Variants in ASIC2 observed in about 807,000 individuals in gnomAD.
ASIC2 encodes acid-sensing ion channel 2.
A neutral mutation model predicts 57.3 loss-of-function variants in ASIC2; 25 were observed. The observed-to-expected ratio is 0.44, with a 90% CI of 0.32 to 0.61. ASIC2 has a LOEUF of 0.61. ASIC2 is among the 20% of genes least tolerant of loss of function. The pLI is 0.06. For missense variants in ASIC2, 641 were observed against 738.1 expected (o/e 0.87, Z 1.52); for synonymous variants, 319 against 307.5 (o/e 1.04, Z -0.39).
chr17:33,201,855 C>A (rs1408035631), intron 1 of ASIC2, among the ~76,000 whole-genome samples: 1 of 151,726 alleles, frequency 6.6e-6, no homozygotes. Flanking sequence ...CATGGTGAAA[C>A]CTTGTCTTTG....
intron 1 of ASIC2, among the ~76,000 whole-genome samples, chr17:33,820,035 C>T (rs1027670313): frequency 6.6e-6 from 1 of 152,242 alleles, no homozygotes; most frequent in Non-Finnish European, 1.5e-5. Flanking sequence ...CAGTCAGAAA[C>T]GAGACAATGA....
In ASIC2 at chr17:33,547,732, G is replaced by A. The variant is rs571481797; in HGVS notation, c.556-435665C>T. On this transcript the variant is annotated intron_variant, in intron 1 of 9. Transcript: ENST00000359872. ...TTAATTGTCCCTGGTTGCTGCCTTC[G>A]CCAGCTTCTGCCCATGCTACACCTG... 2.4e-4 allele frequency among the ~76,000 whole-genome samples: 36 copies of A among 152,210 alleles called. No homozygotes were observed. In the South Asian group the frequency reaches 7.1e-3, roughly 30 times the overall value.
chr17:33,266,564 G>A (rs1326631901), intron 1 of ASIC2, among the ~76,000 whole-genome samples: 1 of 116,570 alleles, frequency 8.6e-6, no homozygotes, highest in Non-Finnish European at 1.6e-5. Flanking sequence ...CCCAGTTGCA[G>A]CACATGTGGC....
chr17:33,853,773 A>C (rs1428983620), intron 1 of ASIC2, among the ~76,000 whole-genome samples: 1 of 152,208 alleles, frequency 6.6e-6, no homozygotes, highest in Non-Finnish European at 1.5e-5. Flanking sequence ...TCTAGAGTGG[A>C]TGTTCATTAA....
At chr17:34,023,296 T>A (rs1597978799) in intron 1 of ASIC2, among the ~76,000 whole-genome samples, 1 of 152,148 alleles carries the variant, frequency 6.6e-6, no homozygotes, top group East Asian at 1.9e-4. Flanking sequence ...TCCTAAGTAA[T>A]TCTTGGCTCT....
intron 1 of ASIC2, among the ~76,000 whole-genome samples, chr17:33,414,373 C>A (rs925723115): frequency 1.3e-5 from 2 of 152,058 alleles, no homozygotes; most frequent in Non-Finnish European, 2.9e-5. Flanking sequence ...AGGGGATGTT[C>A]TAGGTTGGCA....
At chr17:33,477,495 C>G (rs1386998764) in intron 1 of ASIC2, among the ~76,000 whole-genome samples, 4 of 152,186 alleles carry the variant, frequency 2.6e-5, no homozygotes, top group African/African-American at 9.7e-5. Flanking sequence ...GAAGGCATAG[C>G]ATTAAGATGT....
At chr17:33,543,387 C>A (rs1915483929) in intron 1 of ASIC2, among the ~76,000 whole-genome samples, 1 of 152,186 alleles carries the variant, frequency 6.6e-6, no homozygotes, top group Non-Finnish European at 1.5e-5. Context: ...TGCAAAATAA[C>A]TTTCACCCAG....
At chr17:33,870,467 C>G (rs577793106) in intron 1 of ASIC2, among the ~76,000 whole-genome samples, 2 of 152,048 alleles carry the variant, frequency 1.3e-5, no homozygotes, top group South Asian at 2.1e-4. Flanking sequence ...TCTCAGCTGA[C>G]AGGCATTTAG....
intron 1 of ASIC2, among the ~76,000 whole-genome samples, chr17:33,132,483 C>G (rs2092350812): frequency 6.6e-6 from 1 of 152,146 alleles, no homozygotes. Flanking sequence ...GTTTTCAGGT[C>G]CCCCGTGTCC....
intron 1 of ASIC2, among the ~76,000 whole-genome samples, chr17:33,704,893 G>A (rs1219328457): frequency 6.6e-6 from 1 of 152,168 alleles, no homozygotes; most frequent in Non-Finnish European, 1.5e-5. Context: ...ATATTTGAGA[G>A]AAAATGACTC....
intron 1 of ASIC2, among the ~76,000 whole-genome samples, chr17:33,951,579 CT>C (rs1567766608): frequency 6.6e-6 from 1 of 150,732 alleles, no homozygotes; most frequent in Non-Finnish European, 1.5e-5. Flanking sequence ...TTTCTTTTTT[CT>C]TTTCTTTTTT....
chr17:33,016,157 C>T (rs3025251), intron 8 of ASIC2, 118 bp from the exon 9 acceptor site: 124,453 of 891,490 alleles, frequency 0.14, 10,049 homozygotes, highest in Middle Eastern at 0.18. Context: ...CTGAACATAC[C>T]GTAGCACAAG....
At chr17:33,559,486 CT>C (rs1916007651) in intron 1 of ASIC2, among the ~76,000 whole-genome samples, 1 of 152,016 alleles carries the variant, frequency 6.6e-6, no homozygotes, top group Non-Finnish European at 1.5e-5. Context: ...TCATAATTTT[CT>C]TTTTTTTCAA....
intron 1 of ASIC2, among the ~76,000 whole-genome samples, chr17:33,842,902 A>C (rs1263567359): frequency 6.6e-6 from 1 of 152,154 alleles, no homozygotes; most frequent in East Asian, 1.9e-4. Context: ...GAGAGCCAGG[A>C]TGGATGAGTG....
intron 1 of ASIC2, among the ~76,000 whole-genome samples, chr17:33,392,101 C>T (rs1909911726): frequency 6.6e-6 from 1 of 152,126 alleles, no homozygotes; most frequent in African/African-American, 2.4e-5. Flanking sequence ...ATGTGGAACA[C>T]CTCTAACACC....
At chr17:33,045,222 C>G (rs541971347) in intron 3 of ASIC2, among the ~76,000 whole-genome samples, 1 of 152,178 alleles carries the variant, frequency 6.6e-6, no homozygotes, top group African/African-American at 2.4e-5. Flanking sequence ...CTAGGTATCA[C>G]TAGCAGGTCT....
intron 1 of ASIC2, among the ~76,000 whole-genome samples, chr17:33,185,014 T>A (rs1221782756): frequency 6.6e-6 from 1 of 152,122 alleles, no homozygotes; most frequent in Non-Finnish European, 1.5e-5. Flanking sequence ...GAGAGAAATT[T>A]GCCTGAAAGA....
At chr17:33,831,735 C>T (rs1913120901) in intron 1 of ASIC2, among the ~76,000 whole-genome samples, 1 of 152,190 alleles carries the variant, frequency 6.6e-6, no homozygotes. Context: ...GCAGGCCCGT[C>T]TCTCCCAGGG....
Sources: gnomAD v4.1 joint callset for allele counts (sites outside exome capture counted in the v4.1 genomes callset) on GRCh38, gnomAD v4.1.1 for gene constraint, MANE v1.5 for transcripts, NCBI Gene and HGNC (gene_info 2026-07-23, HGNC 2026-07-21) for gene names.